Variants in STRA8 observed in about 807,000 individuals in gnomAD.
The protein encoded by STRA8 is stimulated by retinoic acid gene 8 protein homolog.
A neutral mutation model predicts 37.1 loss-of-function variants in STRA8; 18 were observed. The ratio of observed to expected loss-of-function variants is 0.48; its 90% CI spans 0.34 to 0.72. STRA8 has a LOEUF of 0.72. STRA8 is among the 30% of genes least tolerant of loss of function. STRA8 has a pLI of 0.01. For missense variants in STRA8, 357 were observed against 410.4 expected, an observed-to-expected ratio of 0.87 and a Z score of 1.13; for synonymous variants, 168 against 162.9, an observed-to-expected ratio of 1.03 and a Z score of -0.24.
At chr7:135,258,386 A>C in intron 8 of STRA8, 32 bp from the exon 9 acceptor site, 1 of 1,571,876 alleles carries the variant, frequency 6.4e-7, no homozygotes, top group Non-Finnish European at 8.7e-7. Flanking sequence ...CCACAGATAA[A>C]AAGTGACCCT....
chr7:135,247,277 C>T (rs1226970144), intron 6 of STRA8: 1 of 152,342 alleles, frequency 6.6e-6, no homozygotes, highest in Non-Finnish European at 1.5e-5. Flanking sequence ...TTTGGGCTGC[C>T]AGGGCCTGGA....
chr7:135,248,845 A>G (rs1253840664), intron 6 of STRA8, among the ~76,000 whole-genome samples: 2 of 152,202 alleles, frequency 1.3e-5, no homozygotes, highest in Admixed American at 6.5e-5. Context: ...CCTACCAGCT[A>G]CTGCCTTGGT....
intron 8 of STRA8, among the ~76,000 whole-genome samples, chr7:135,257,629 G>A (rs1047324954): frequency 1.3e-5 from 2 of 152,102 alleles, no homozygotes; most frequent in Non-Finnish European, 2.9e-5. Flanking sequence ...ATTTCGCCAT[G>A]TTGGCCAGGC....
intron 7 of STRA8, among the ~76,000 whole-genome samples, chr7:135,254,033 G>A (rs899604915): frequency 6.6e-6 from 1 of 152,148 alleles, no homozygotes; most frequent in Non-Finnish European, 1.5e-5. Context: ...AGGCCTAGAT[G>A]GACTTGGGGA....
chr7:135,257,149 T>C (rs1360202855), intron 8 of STRA8, among the ~76,000 whole-genome samples: 2 of 152,136 alleles, frequency 1.3e-5, no homozygotes, highest in African/African-American at 4.8e-5. Flanking sequence ...AAAGGCTCAG[T>C]TTGTGGAGGT....
Position 135,246,417 on chromosome 7 carries a change from G to GT in STRA8, c.595dup (p.Tyr199LeufsTer99). The GT allele has an allele frequency of 6.2e-7, 1 of 1,600,734 alleles. No homozygotes were observed. The highest frequency in any genetic ancestry group is 8.5e-7 in the Non-Finnish European group (1 of 1,172,910). On this transcript the variant is annotated frameshift_variant and splice_region_variant, in exon 6 of 9. Transcript: ENST00000662584. LOFTEE classifies it high-confidence loss of function. The surrounding 1 kb of genome is among the most constrained non-coding windows in gnomAD (Gnocchi z 5.4). The stretch of plus-strand genomic sequence containing the variant: ...CGAGACGGCGCCGCTTCTGTTCCAG[G>GT]TATCTCAACTTTTACAAACAGACGA...
intron 8 of STRA8, among the ~76,000 whole-genome samples, chr7:135,256,153 C>T (rs1462981424): frequency 6.6e-6 from 1 of 152,176 alleles, no homozygotes; most frequent in Non-Finnish European, 1.5e-5. Context: ...AGCAATAATA[C>T]AACTGTTTAT....
At chr7:135,231,980 T>A, upstream of STRA8, 1 of 1,614,032 alleles carries the variant, frequency 6.2e-7, no homozygotes, top group East Asian at 2.2e-5. Context: ...CTTGCAGCTA[T>A]GGGGAAGATT....
intron 4 of STRA8, among the ~76,000 whole-genome samples, chr7:135,244,215 C>T (rs1433451317): frequency 2.6e-5 from 4 of 152,290 alleles, no homozygotes; most frequent in East Asian, 1.9e-4. Flanking sequence ...CCTGCCACCA[C>T]GCCTGGCTAG....
chr7:135,240,517 A>G lies in STRA8; in HGVS notation c.-6-2A>G, dbSNP rs775225056. 6.2e-7 allele frequency: 1 copy of G among 1,613,004 alleles called. No individual in the cohort carries two copies. Among genetic ancestry groups the G allele is most frequent in the South Asian group, 1.1e-5 (1 of 90,900 alleles). ...AAAAAAAAGCATACTATTACATTAC[A>G]GCTTATAATGGCAACCCCTGAAGAA... On this transcript the variant is annotated splice_acceptor_variant, in intron 1 of 8. Coordinates refer to ENST00000662584, the MANE Select transcript of STRA8 (RefSeq NM_001394401.1). LOFTEE classifies it low-confidence loss of function (5UTR_SPLICE).
intron 6 of STRA8, among the ~76,000 whole-genome samples, chr7:135,247,829 G>A (rs1157012325): frequency 6.6e-6 from 1 of 152,208 alleles, no homozygotes. Flanking sequence ...CGCCCTGCAC[G>A]GAGATAAAAG....
At chr7:135,232,783 G>A (rs549165906), upstream of STRA8, among the ~76,000 whole-genome samples, 57 of 152,268 alleles carry the variant, frequency 3.7e-4, no homozygotes, top group African/African-American at 1.3e-3. Context: ...CGTGCTTTCC[G>A]TAGCGGCTCG....
At chr7:135,249,623 G>T (rs999369638) in intron 6 of STRA8, among the ~76,000 whole-genome samples, 2 of 152,180 alleles carry the variant, frequency 1.3e-5, no homozygotes, top group African/African-American at 4.8e-5. Context: ...ATGCCATCTA[G>T]GTTTGCATAA....
At chr7:135,258,208 A>T (rs1832728505) in intron 8 of STRA8, among the ~76,000 whole-genome samples, 1 of 151,794 alleles carries the variant, frequency 6.6e-6, no homozygotes, top group Non-Finnish European at 1.5e-5. Flanking sequence ...TCTGGAGGTC[A>T]TAGAATGCTG....
chr7:135,237,721 G>C (rs1361572724), intron 1 of STRA8, among the ~76,000 whole-genome samples: 1 of 152,034 alleles, frequency 6.6e-6, no homozygotes, highest in Non-Finnish European at 1.5e-5. Context: ...GTGAAACCCC[G>C]TCTCTACTAA....
At chr7:135,254,762 C>T (rs1334714487) in intron 7 of STRA8, among the ~76,000 whole-genome samples, 2 of 152,164 alleles carry the variant, frequency 1.3e-5, no homozygotes, top group African/African-American at 2.4e-5. Context: ...TCAAGATGTG[C>T]GGCGTGCTCC....
intron 6 of STRA8, among the ~76,000 whole-genome samples, chr7:135,247,473 T>C (rs1832578033): frequency 6.6e-6 from 1 of 152,238 alleles, no homozygotes. Context: ...CGAACTGTCT[T>C]TCTTCCTACT....
rs1446714966 is a variant in STRA8, at chr7:135,251,823, G to T, written c.907G>T (p.Ala303Ser). 1.9e-6 allele frequency: 3 copies of T among 1,614,156 alleles called. No homozygotes were observed. The East Asian group carries it at 6.7e-5, about 36-fold the overall frequency. ...CCTTTTTGAGGATGCCTTTGATGTGGCAAGCTTCCTGGACAAAAGTGAGGT... is the reference window on the plus strand; with the variant it reads ...CCTTTTTGAGGATGCCTTTGATGTGTCAAGCTTCCTGGACAAAAGTGAGGT... Reference protein sequence around the residue: ...EILFEDAFDVASFLDKSEVPS... With the variant: ...EILFEDAFDVSSFLDKSEVPS... Residue 303 changes from alanine to serine, a missense_variant, in exon 7 of 9, where the codon GCA becomes TCA. Coordinates refer to ENST00000662584, the MANE Select transcript of STRA8 (RefSeq NM_001394401.1).
At chr7:135,242,913 T>G in intron 3 of STRA8, 57 bp downstream of exon 3, 2 of 1,565,198 alleles carry the variant, frequency 1.3e-6, no homozygotes, top group South Asian at 2.2e-5. Context: ...CTGGATCTGT[T>G]TTTCTATTGA....
Sources: allele counts gnomAD v4.1 joint callset (sites outside exome capture counted in the v4.1 genomes callset), GRCh38; gene constraint gnomAD v4.1.1; non-coding constraint Gnocchi (gnomAD v3.1); transcripts MANE v1.5; gene names NCBI Gene and HGNC (gene_info 2026-07-23, HGNC 2026-07-21).